PLB1: variants seen among roughly 807,000 people sequenced by gnomAD.
The protein encoded by PLB1 is phospholipase B1.
A neutral mutation model predicts 227.4 loss-of-function variants in PLB1; 242 were observed. The observed-to-expected ratio is 1.06, with a 90% CI of 0.96 to 1.18. The LOEUF is 1.18. PLB1 is among the 50% of genes most tolerant of loss of function. PLB1 has a pLI of 0.00. For synonymous variants in PLB1, 757 were observed against 682.2 expected (o/e 1.11, Z -1.71); for missense variants, 1,858 against 1,816.3 (o/e 1.02, Z -0.42).
At chr2:28,629,803 C>T (rs560805359) in intron 53 of PLB1, among the ~76,000 whole-genome samples, 17 of 152,266 alleles carry the variant, frequency 1.1e-4, no homozygotes, top group African/African-American at 3.1e-4. Context: ...GAACTCCTAT[C>T]GGGGGCTGGA....
rs188204484 is a variant in PLB1 at position 28,519,902 on chromosome 2, C to A, written c.243+139C>A. ...ACTAGATAAATCCAGGAGGTTGAAT[C>A]TTTTTATTTTTATTTTATTTTATTA... is the stretch of plus-strand genomic sequence containing the variant. On this transcript the variant is annotated intron_variant, in intron 4 of 57. Transcript: ENST00000327757. 3.3e-5 allele frequency: 13 copies of A among 394,702 alleles called. No individual in the cohort carries two copies. In the East Asian group the frequency reaches 5.0e-4, roughly 15 times the overall value. 24.4% of individuals were successfully genotyped at this position (394,702 alleles called of 1,614,324 possible). A position where few individuals can be genotyped will look rare whatever the true frequency, so the allele number is the denominator to read the frequency against.
chr2:28,625,682 A>G (rs1478327778), intron 50 of PLB1, among the ~76,000 whole-genome samples: 1 of 151,326 alleles, frequency 6.6e-6, no homozygotes, highest in African/African-American at 2.4e-5. Context: ...GACCCTAAGA[A>G]CTCATCCCAG....
intron 44 of PLB1, among the ~76,000 whole-genome samples, chr2:28,615,610 T>TGGA (rs1320885106): frequency 6.6e-6 from 1 of 152,224 alleles, no homozygotes; most frequent in Non-Finnish European, 1.5e-5. Flanking sequence ...GTTAGCCCAG[T>TGGA]GGAGGCTTGT....
intron 43 of PLB1, among the ~76,000 whole-genome samples, chr2:28,609,045 A>G (rs920005369): frequency 3.3e-5 from 5 of 152,084 alleles, no homozygotes; most frequent in African/African-American, 4.8e-5. Flanking sequence ...CCTCCTGAGT[A>G]GTTGGGACTG....
chr2:28,568,537 A>G (rs4666095), intron 20 of PLB1, among the ~76,000 whole-genome samples: 17,082 of 152,198 alleles, frequency 0.11, 1,349 homozygotes, highest in East Asian at 0.29. Context: ...TAGAAAACTC[A>G]TAAGAATGTA....
chr2:28,605,324 C>T (rs1317675757), intron 41 of PLB1, among the ~76,000 whole-genome samples: 2 of 152,122 alleles, frequency 1.3e-5, no homozygotes, highest in African/African-American at 4.8e-5. Context: ...GGCTGCCATC[C>T]CAAGAGCCTC....
chr2:28,530,651 G>A (rs1371600932), intron 8 of PLB1, among the ~76,000 whole-genome samples: 1 of 152,230 alleles, frequency 6.6e-6, no homozygotes, highest in Non-Finnish European at 1.5e-5. Context: ...GATCTTTTGT[G>A]TTGCCCTTAT....
At chr2:28,642,768 C>A in intron 57 of PLB1, 90 bp from the exon 58 acceptor site, 2 of 1,119,804 alleles carry the variant, frequency 1.8e-6, no homozygotes, top group Non-Finnish European at 2.6e-6. Flanking sequence ...GTTATCGCAG[C>A]ATCTCAGGAA....
rs1673895219 is a variant in PLB1, at chr2:28,549,583, T to C, written c.1009-427T>C. 2.0e-5 allele frequency among the ~76,000 whole-genome samples: 3 copies of C among 151,994 alleles called. No individual in the cohort carries two copies. The South Asian group carries it at 6.2e-4, about 32-fold the overall frequency. ...GGCACGTGCCACCACACCCAGCTAA[T>C]TTTTTTGTATTTTTAGTCTTTCTAT... On this transcript the variant is annotated intron_variant, in intron 15 of 57. Coordinates refer to ENST00000327757, the MANE Select transcript of PLB1 (RefSeq NM_153021.5).
At chr2:28,603,031 C>A in intron 39 of PLB1, 110 bp downstream of exon 39, 3 of 943,128 alleles carry the variant, frequency 3.2e-6, no homozygotes, top group East Asian at 2.6e-5. Context: ...TCCATGTGTC[C>A]AAGTCTGTAA....
At chr2:28,561,395 C>T (rs60115402) in intron 17 of PLB1, among the ~76,000 whole-genome samples, 36,661 of 152,046 alleles carry the variant, frequency 0.24, 4,712 homozygotes, top group East Asian at 0.52. Flanking sequence ...ATAGGATTAC[C>T]ATATAATCCA....
chr2:28,535,667 T>G (rs1258385201), intron 9 of PLB1, among the ~76,000 whole-genome samples: 5 of 152,228 alleles, frequency 3.3e-5, no homozygotes, highest in Non-Finnish European at 7.3e-5. Flanking sequence ...ATGCTTGTAA[T>G]CTCAGAACTT....
chr2:28,537,032 A>G (rs1325572269), intron 9 of PLB1, among the ~76,000 whole-genome samples: 1 of 152,200 alleles, frequency 6.6e-6, no homozygotes, highest in African/African-American at 2.4e-5. Flanking sequence ...TTCAGGAAAG[A>G]GAGGGTGATG....
At chr2:28,627,707 G>C (rs1688001212) in intron 51 of PLB1, among the ~76,000 whole-genome samples, 1 of 152,150 alleles carries the variant, frequency 6.6e-6, no homozygotes, top group African/African-American at 2.4e-5. Flanking sequence ...TGCTGGAATT[G>C]AGTGCACGGT....
intron 19 of PLB1, among the ~76,000 whole-genome samples, chr2:28,565,855 C>G (rs191763781): frequency 1.6e-3 from 242 of 152,304 alleles, no homozygotes; most frequent in African/African-American, 5.6e-3. Context: ...GTGCTTGACA[C>G]TAAGTATCTG....
chr2:28,518,364 T>A, intron 2 of PLB1, 102 bp from the exon 3 acceptor site: 1 of 880,828 alleles, frequency 1.1e-6, no homozygotes, highest in African/African-American at 1.7e-5. Flanking sequence ...ATTTTGAGCC[T>A]AGATAGAATG....
At chr2:28,544,756 C>T (rs1231139667) in intron 14 of PLB1, among the ~76,000 whole-genome samples, 1 of 152,026 alleles carries the variant, frequency 6.6e-6, no homozygotes, top group Non-Finnish European at 1.5e-5. Context: ...GGAGGGCGTT[C>T]CCAGGCAAAG....
intron 20 of PLB1, among the ~76,000 whole-genome samples, chr2:28,567,453 G>A (rs1262657413): frequency 6.7e-6 from 1 of 149,170 alleles, no homozygotes; most frequent in East Asian, 2.0e-4. Context: ...CAACCTGCTC[G>A]GAATGATTTC....
At chr2:28,521,762 T>G (rs1669559578) in intron 4 of PLB1, among the ~76,000 whole-genome samples, 1 of 152,040 alleles carries the variant, frequency 6.6e-6, no homozygotes, top group Admixed American at 6.5e-5. Flanking sequence ...TCCACAGCCT[T>G]GCTGCCCCCG....
Sources: allele counts gnomAD v4.1 joint callset (sites outside exome capture counted in the v4.1 genomes callset), GRCh38; gene constraint gnomAD v4.1.1; transcripts MANE v1.5; gene names NCBI Gene and HGNC (gene_info 2026-07-23, HGNC 2026-07-21).